Variants in GRIK2 observed in about 807,000 individuals in gnomAD.
The protein encoded by GRIK2 is glutamate ionotropic receptor kainate type subunit 2, also known as glutamate receptor ionotropic, kainate 2.
A neutral mutation model predicts 100.3 loss-of-function variants in GRIK2; 32 were observed. The ratio of observed to expected loss-of-function variants is 0.32; its 90% CI spans 0.24 to 0.43. The LOEUF (loss-of-function observed/expected upper bound fraction) is 0.43, where lower values mean the gene tolerates loss of function less well. GRIK2 is among the 20% of genes least tolerant of loss of function. The pLI, the probability that GRIK2 is intolerant of heterozygous loss-of-function variation, is 1.00. For synonymous variants in GRIK2, 417 were observed against 389.4 expected (o/e 1.07, Z -0.83); for missense variants, 843 against 1,114.9 (o/e 0.76, Z 3.47).
At chr6:101,457,585 A>T in intron 2 of GRIK2, among the ~76,000 whole-genome samples, 1 of 152,192 alleles carries the variant, frequency 6.6e-6, no homozygotes, top group African/African-American at 2.4e-5. Flanking sequence ...ACTTCTAAAA[A>T]TAAATGTTCA....
At chr6:101,694,445 GAT>G (rs943653780) in intron 7 of GRIK2, among the ~76,000 whole-genome samples, 1 of 151,814 alleles carries the variant, frequency 6.6e-6, no homozygotes, top group Non-Finnish European at 1.5e-5. Flanking sequence ...TTAATTAAAA[GAT>G]AATTATAAAT....
intron 14 of GRIK2, among the ~76,000 whole-genome samples, chr6:101,937,272 T>A (rs558168531): frequency 6.6e-6 from 1 of 152,098 alleles, no homozygotes; most frequent in African/African-American, 2.4e-5. Context: ...CCTCCCTCCT[T>A]TACTCTGTGC....
intron 10 of GRIK2, among the ~76,000 whole-genome samples, chr6:101,844,973 T>G (rs1176913750): frequency 6.6e-6 from 1 of 151,934 alleles, no homozygotes. Flanking sequence ...TCTGTATCCA[T>G]TAATCATTTA....
At chr6:101,683,088 A>G (rs768900411) in intron 6 of GRIK2, among the ~76,000 whole-genome samples, 8 of 152,060 alleles carry the variant, frequency 5.3e-5, no homozygotes, top group Non-Finnish European at 1.2e-4. Flanking sequence ...CTGTAGTCAC[A>G]GCTACTCGGG....
At chr6:101,843,483 A>G (rs577224954) in intron 10 of GRIK2, among the ~76,000 whole-genome samples, 1 of 152,248 alleles carries the variant, frequency 6.6e-6, no homozygotes, top group African/African-American at 2.4e-5. Flanking sequence ...TTGACTGCAT[A>G]TTTGACCAGC....
At chr6:102,032,121 G>A (rs941760803) in intron 14 of GRIK2, among the ~76,000 whole-genome samples, 9 of 151,122 alleles carry the variant, frequency 6.0e-5, no homozygotes, top group East Asian at 3.9e-4. Context: ...TCATATCTTC[G>A]TCACAGAAAG....
chr6:101,819,856 T>C (rs1434798488), intron 10 of GRIK2, among the ~76,000 whole-genome samples: 2 of 152,092 alleles, frequency 1.3e-5, no homozygotes, highest in Non-Finnish European at 2.9e-5. Context: ...AAGGACAACA[T>C]CAACAACAAC....
chr6:101,420,029 A>G (rs577653420), intron 2 of GRIK2, among the ~76,000 whole-genome samples: 1 of 152,348 alleles, frequency 6.6e-6, no homozygotes, highest in East Asian at 1.9e-4. Flanking sequence ...ATGTGAAGAT[A>G]ATAATAACAG....
intron 7 of GRIK2, among the ~76,000 whole-genome samples, chr6:101,736,635 T>C (rs1775652807): frequency 6.6e-6 from 1 of 152,128 alleles, no homozygotes; most frequent in South Asian, 2.1e-4. Context: ...ACACACAGCA[T>C]GGGGACCCTG....
At chr6:102,051,193 A>G (rs958348011) in intron 15 of GRIK2, among the ~76,000 whole-genome samples, 12 of 152,042 alleles carry the variant, frequency 7.9e-5, no homozygotes, top group African/African-American at 2.4e-4. Context: ...CATCTGACAT[A>G]TGAAGAGGTT....
intron 7 of GRIK2, among the ~76,000 whole-genome samples, chr6:101,714,242 A>C (rs1018950237): frequency 6.6e-6 from 1 of 151,802 alleles, no homozygotes; most frequent in Non-Finnish European, 1.5e-5. Context: ...ATTAAAATGT[A>C]AATCATATGT....
intron 14 of GRIK2, among the ~76,000 whole-genome samples, chr6:101,981,428 A>G (rs1336239946): frequency 6.6e-6 from 1 of 151,904 alleles, no homozygotes. Context: ...TGATTGTATC[A>G]TCTTCATCAT....
At chr6:101,902,398 C>T (rs559309343) in intron 12 of GRIK2, among the ~76,000 whole-genome samples, 2 of 151,906 alleles carry the variant, frequency 1.3e-5, no homozygotes, top group South Asian at 2.1e-4. Flanking sequence ...GGTTGTAGAG[C>T]CTTGAAAGCA....
intron 2 of GRIK2, among the ~76,000 whole-genome samples, chr6:101,502,131 C>A (rs940800602): frequency 3.9e-5 from 6 of 151,998 alleles, no homozygotes; most frequent in African/African-American, 2.4e-5. Context: ...TGTAATTTTG[C>A]AAAATTAATG....
intron 7 of GRIK2, among the ~76,000 whole-genome samples, chr6:101,759,145 G>T (rs1777324245): frequency 1.3e-5 from 2 of 152,136 alleles, no homozygotes; most frequent in Non-Finnish European, 2.9e-5. Flanking sequence ...CTCTGCATCT[G>T]TAATGATTGA....
At position 101,486,378 on chromosome 6, in the gene GRIK2, T is replaced by C. The variant is rs981297692; in HGVS notation, c.115+86986T>C. 1.7e-3 allele frequency among the ~76,000 whole-genome samples: 32 copies of C among 18,720 alleles called. No homozygotes were observed. In the Admixed American group the frequency reaches 0.021, roughly 12 times the overall value. The allele number at this position is 18,720 out of a possible 152,430, so 12.3% of individuals were successfully genotyped here. A position where few individuals can be genotyped will look rare whatever the true frequency, so the allele number is the denominator to read the frequency against. On this transcript the variant is annotated intron_variant, in intron 2 of 16. Transcript: ENST00000369134. ...TTGAAAAGCAGCAGGTAAGGTTGCATGAGGGGGTGGGGCGGGGGGGGGAAG... is the reference window on the plus strand; with the variant it reads ...TTGAAAAGCAGCAGGTAAGGTTGCACGAGGGGGTGGGGCGGGGGGGGGAAG...
At chr6:101,636,121 T>C (rs906401474) in intron 4 of GRIK2, among the ~76,000 whole-genome samples, 1 of 151,958 alleles carries the variant, frequency 6.6e-6, no homozygotes, top group Non-Finnish European at 1.5e-5. Context: ...AATAATAGAC[T>C]GGATAAAGAA....
intron 9 of GRIK2, 77 bp downstream of exon 9, chr6:101,802,515 C>A: frequency 1.9e-6 from 1 of 532,622 alleles, no homozygotes; most frequent in Non-Finnish European, 3.3e-6. Context: ...CTGTTGTAGT[C>A]ACATTTCATT....
chr6:101,568,686 AT>A (rs1777395955), intron 2 of GRIK2, among the ~76,000 whole-genome samples: 1 of 152,074 alleles, frequency 6.6e-6, no homozygotes, highest in South Asian at 2.1e-4. Flanking sequence ...CATAAAATTT[AT>A]TTTTATAGCC....
Sources: gnomAD v4.1 joint callset for allele counts (sites outside exome capture counted in the v4.1 genomes callset) on GRCh38, gnomAD v4.1.1 for gene constraint, MANE v1.5 for transcripts, NCBI Gene and HGNC (gene_info 2026-07-23, HGNC 2026-07-21) for gene names.